The following MVB12B variants were observed in gnomAD, a reference collection of about 807,000 sequenced individuals.
MVB12B encodes ESCRT-I complex subunit MVB12B.
In MVB12B, 16 loss-of-function variants were observed where a neutral mutation model predicts 41.6. The observed-to-expected ratio is 0.38, with a 90% confidence interval of 0.26 to 0.58. The LOEUF (loss-of-function observed/expected upper bound fraction) is 0.58. Ranked by LOEUF, MVB12B falls within the 20% of genes least tolerant of loss-of-function variation. MVB12B has a pLI of 0.62. For synonymous variants in MVB12B, 133 were observed against 139.7 expected, an observed-to-expected ratio of 0.95 and a Z score of 0.34; for missense variants, 274 against 380.2, an observed-to-expected ratio of 0.72 and a Z score of 2.32.
At chr9:126,467,817 C>T (rs886191043) in intron 7 of MVB12B, among the ~76,000 whole-genome samples, 1 of 152,196 alleles carries the variant, frequency 6.6e-6, no homozygotes, top group African/African-American at 2.4e-5. Context: ...TGGCCTTTTC[C>T]CTTCCTGCCC....
At chr9:126,439,245 G>A (rs1334514952) in intron 7 of MVB12B, among the ~76,000 whole-genome samples, 2 of 151,772 alleles carry the variant, frequency 1.3e-5, no homozygotes, top group African/African-American at 4.8e-5. Context: ...TGAGAGCTCT[G>A]GGCAGGGAGC....
At chr9:126,496,208 C>A (rs1207514875) in intron 9 of MVB12B, among the ~76,000 whole-genome samples, 1 of 141,546 alleles carries the variant, frequency 7.1e-6, no homozygotes, top group Non-Finnish European at 1.5e-5. Flanking sequence ...CACCTACCCA[C>A]CCGTCCATCC....
At chr9:126,457,198 C>T (rs1298888023) in intron 7 of MVB12B, among the ~76,000 whole-genome samples, 1 of 152,216 alleles carries the variant, frequency 6.6e-6, no homozygotes, top group East Asian at 1.9e-4. Context: ...GGCCAAGTCT[C>T]TCCCCTTTCT....
intron 7 of MVB12B, among the ~76,000 whole-genome samples, chr9:126,455,411 C>T (rs572029849): frequency 4.6e-5 from 7 of 152,024 alleles, no homozygotes; most frequent in African/African-American, 1.2e-4. Flanking sequence ...TGGTCTCGAT[C>T]GATTTACCTC....
intron 7 of MVB12B, among the ~76,000 whole-genome samples, chr9:126,441,598 A>G (rs1832641970): frequency 6.6e-6 from 1 of 152,250 alleles, no homozygotes; most frequent in African/African-American, 2.4e-5. Flanking sequence ...CTTTATCAAT[A>G]AAGATGAAAA....
intron 5 of MVB12B, among the ~76,000 whole-genome samples, chr9:126,393,034 C>T (rs11791334): frequency 6.6e-6 from 1 of 152,330 alleles, no homozygotes; most frequent in African/African-American, 2.4e-5. Context: ...CAGAGAACTG[C>T]TGAGGCCTGG....
chr9:126,339,414 C>G (rs921352842), intron 1 of MVB12B, among the ~76,000 whole-genome samples: 3 of 152,146 alleles, frequency 2.0e-5, no homozygotes, highest in Non-Finnish European at 4.4e-5. Context: ...TGCTCTTTTT[C>G]ACTGCTTGTC....
At chr9:126,499,048 G>T (rs760979372) in intron 9 of MVB12B, among the ~76,000 whole-genome samples, 8 of 152,204 alleles carry the variant, frequency 5.3e-5, no homozygotes, top group Non-Finnish European at 8.8e-5. Context: ...CACACGAATC[G>T]TCCTAGTTGT....
At chr9:126,397,625 TTGTC>T (rs1158785185) in intron 6 of MVB12B, 2 of 985,312 alleles carry the variant, frequency 2.0e-6, no homozygotes, top group African/African-American at 3.5e-5. Context: ...TAAAAGCCAT[TTGTC>T]TGTCCCAAGT....
chr9:126,360,015 G>C (rs2118888624), intron 2 of MVB12B, among the ~76,000 whole-genome samples: 1 of 152,114 alleles, frequency 6.6e-6, no homozygotes, highest in East Asian at 1.9e-4. Flanking sequence ...GGAAGTTTTG[G>C]TCATTGATTT....
At chr9:126,471,949 A>G (rs62581693) in intron 7 of MVB12B, among the ~76,000 whole-genome samples, 3 of 150,274 alleles carry the variant, frequency 2.0e-5, no homozygotes, top group African/African-American at 7.4e-5. Context: ...GCAGATAACA[A>G]TTGAGGTGCT....
intron 9 of MVB12B, among the ~76,000 whole-genome samples, chr9:126,493,930 T>A (rs1833782347): frequency 6.6e-6 from 1 of 152,212 alleles, no homozygotes; most frequent in Non-Finnish European, 1.5e-5. Context: ...TGCTGAGGCC[T>A]CCATCCTGGC....
intron 7 of MVB12B, among the ~76,000 whole-genome samples, chr9:126,432,237 C>G (rs1832349098): frequency 6.6e-6 from 1 of 152,214 alleles, no homozygotes; most frequent in African/African-American, 2.4e-5. Context: ...TCCTTAGAGA[C>G]AGCATAATTG....
chr9:126,377,082 C>T (rs10987261), intron 2 of MVB12B, among the ~76,000 whole-genome samples: 1 of 152,024 alleles, frequency 6.6e-6, no homozygotes, highest in African/African-American at 2.4e-5. Context: ...CCCTCTTGCT[C>T]GTCATTGTGG....
intron 7 of MVB12B, among the ~76,000 whole-genome samples, chr9:126,433,386 C>G (rs1375985063): frequency 6.8e-6 from 1 of 147,628 alleles, no homozygotes; most frequent in African/African-American, 2.7e-5. Flanking sequence ...GGGGGCTGCA[C>G]TAGCCTTGCT....
chr9:126,492,120 A>ACG (rs767093415), intron 9 of MVB12B, among the ~76,000 whole-genome samples: 1 of 145,866 alleles, frequency 6.9e-6, no homozygotes, highest in Non-Finnish European at 1.5e-5. Flanking sequence ...CGGCACGTGC[A>ACG]CACACACACA....
chr9:126,385,153 AC>A (rs1390968917), intron 3 of MVB12B, among the ~76,000 whole-genome samples: 2 of 151,864 alleles, frequency 1.3e-5, no homozygotes, highest in African/African-American at 4.8e-5. Flanking sequence ...TCGATTTGTG[AC>A]TCTGAGTGGC....
intron 7 of MVB12B, among the ~76,000 whole-genome samples, chr9:126,435,867 A>G: frequency 6.6e-6 from 1 of 152,228 alleles, no homozygotes; most frequent in East Asian, 1.9e-4. Context: ...ATGGCAGGTC[A>G]CTGCCACTGT....
At position 126,486,544 on chromosome 9, in the gene MVB12B, G is replaced by A. The variant is rs975439995; in HGVS notation, c.873+2512G>A. Reference sequence around the variant, plus strand: ...TGCTTTGTGATGCCAAATGGATATAGGTGGGACGTGCTGGCAGCAGCGGCC... The same window carrying A: ...TGCTTTGTGATGCCAAATGGATATAAGTGGGACGTGCTGGCAGCAGCGGCC... On this transcript the variant is annotated intron_variant, in intron 9 of 9. Coordinates refer to ENST00000361171, the MANE Select transcript of MVB12B (RefSeq NM_033446.3). This position sits in a 1 kb window ranked among gnomAD's most constrained non-coding sequence, Gnocchi z 4.7. 5.9e-5 allele frequency among the ~76,000 whole-genome samples: 9 copies of A among 152,234 alleles called. No individual in the cohort carries two copies. Among genetic ancestry groups the A allele is most frequent in the African/African-American group, 2.2e-4 (9 of 41,460 alleles).
Sources: allele counts gnomAD v4.1 joint callset (sites outside exome capture counted in the v4.1 genomes callset), GRCh38; gene constraint gnomAD v4.1.1; non-coding constraint Gnocchi (gnomAD v3.1); transcripts MANE v1.5; gene names NCBI Gene and HGNC (gene_info 2026-07-23, HGNC 2026-07-21).